The following KRT15 variants were observed in gnomAD, a reference collection of about 807,000 sequenced individuals.
The protein encoded by KRT15 is keratin 15.
In KRT15, 45 loss-of-function variants were observed where a neutral mutation model predicts 46.6. The observed-to-expected ratio is 0.97, with a 90% CI of 0.76 to 1.24. The LOEUF (loss-of-function observed/expected upper bound fraction) is 1.24. Among genes scored for constraint, KRT15 ranks in the 50% most tolerant of loss-of-function variants. KRT15 has a pLI of 0.00. For synonymous variants in KRT15, 221 were observed against 233.8 expected, an observed-to-expected ratio of 0.95 and a Z score of 0.50; for missense variants, 592 against 588.9, an observed-to-expected ratio of 1.01 and a Z score of -0.05.
At position 41,516,733 on chromosome 17, in the gene KRT15, G is replaced by A. The variant is rs958532100; in HGVS notation, c.738+75C>T. On this transcript the variant is annotated intron_variant, in intron 3 of 7. Transcript: ENST00000254043. ...TCCTGGAGCCACTGTCTTTCCCTCT[G>A]GGCAATTTAAGTGAGTTTTGGGAAG... The A allele has an allele frequency of 3.2e-6, 5 of 1,556,794 alleles. No individual in the cohort carries two copies. The African/African-American group carries it at 5.4e-5, about 17-fold the overall frequency.
chr17:41,516,525 G>A lies in KRT15; in HGVS notation c.739-260C>T, dbSNP rs567634476. ...CAATCAGGAAGTCAACCATTCATAC[G>A]GGCCACCTGGGCTGGCTGTGGGCCT... On this transcript the variant is annotated intron_variant, in intron 3 of 7. Transcript: ENST00000254043. Among the ~76,000 whole-genome samples, 11 of 152,138 alleles carry A rather than the reference G, an allele frequency of 7.2e-5. No individual in the cohort carries two copies. The East Asian group carries it at 1.9e-3, about 27-fold the overall frequency.
intron 1 of KRT15, 32 bp from the exon 2 acceptor site, chr17:41,517,197 T>C (rs1905426479): frequency 1.9e-6 from 3 of 1,568,290 alleles, no homozygotes; most frequent in South Asian, 2.2e-5. Flanking sequence ...TCTAGAGGAC[T>C]CCTCTCTCTC....
In KRT15 at chr17:41,516,173, C is replaced by A; in HGVS notation, c.831G>T (p.Glu277Asp). ...CCATGGCCTCGTACTGCTCCCTCAT[C>A]TCTGCCAGCACACGGGTCAGGTCCA... Reference protein sequence around the residue: ...PGVDLTRVLAEMREQYEAMAE... With the variant: ...PGVDLTRVLADMREQYEAMAE... Residue 277 changes from glutamate (E) to aspartate (D), a missense_variant, in exon 4 of 8, where the codon GAG becomes GAT. Physicochemically the swap from Glu to Asp is conservative, Grantham distance 45 (BLOSUM62 2). Transcript: ENST00000254043. 1 of 1,614,234 alleles carries A rather than the reference C, an allele frequency of 6.2e-7. No homozygotes were observed. The highest frequency in any genetic ancestry group is 8.5e-7 in the Non-Finnish European group (1 of 1,180,042).
intron 6 of KRT15, 119 bp downstream of exon 6, chr17:41,515,353 G>T (rs1905299166): frequency 1.2e-6 from 1 of 820,956 alleles, no homozygotes; most frequent in East Asian, 2.6e-5. Context: ...TCCTTGCTCA[G>T]TTCTCTTTTC....
chr17:41,514,597 G>T lies in KRT15; in HGVS notation c.1273+52C>A, dbSNP rs1905268957. The T allele has an allele frequency of 1.9e-6, 3 of 1,548,308 alleles. No individual in the cohort carries two copies. The South Asian group carries it at 3.4e-5, about 17-fold the overall frequency. ...CCTCCCTATTCCGAAGGGGGTGGTG[G>T]CTTCAACATCTCCCCTCCCCACCCC... is the stretch of plus-strand genomic sequence containing the variant. On this transcript the variant is annotated intron_variant, in intron 7 of 7. Transcript: ENST00000254043.
chr17:41,514,796 G>C, intron 6 of KRT15, 122 bp from the exon 7 acceptor site: 1 of 875,530 alleles, frequency 1.1e-6, no homozygotes, highest in Non-Finnish European at 1.8e-6. Flanking sequence ...CCACACATCT[G>C]ACTCCTCTAG....
chr17:41,515,547 A>T lies in KRT15; in HGVS notation c.1172T>A (p.Met391Lys), dbSNP rs1387706512. 6.2e-7 allele frequency: 1 copy of T among 1,613,934 alleles called. No homozygotes were observed. Among genetic ancestry groups the T allele is most frequent in the Non-Finnish European group, 8.5e-7 (1 of 1,180,036 alleles). Residue 391 changes from methionine to lysine, a missense_variant, in exon 6 of 8, where the codon ATG becomes AAG. Met to Lys is a moderately conservative substitution (Grantham distance 95). Transcript: ENST00000254043. Reference sequence around the variant, plus strand: ...CAGCCGTGTCTTTATGTCAAGCAGCATCTTGTACTCCTGGTTCTGAGCCTC... The same window carrying T: ...CAGCCGTGTCTTTATGTCAAGCAGCTTCTTGTACTCCTGGTTCTGAGCCTC... ...EMEAQNQEYKMLLDIKTRLEQ... is the reference protein window; with the variant it reads ...EMEAQNQEYKKLLDIKTRLEQ...
intron 7 of KRT15, 192 bp from the exon 8 acceptor site, chr17:41,514,312 T>C (rs1905258835): frequency 1.6e-6 from 1 of 608,146 alleles, no homozygotes; most frequent in Non-Finnish European, 2.9e-6. Flanking sequence ...ATGGCAGGTA[T>C]GCCCGGCAGG....
chr17:41,513,904 C>T lies in KRT15; in HGVS notation c.*119G>A, dbSNP rs377177206. 1.3e-6 allele frequency: 1 copy of T among 780,318 alleles called. No homozygotes were observed. The highest frequency in any genetic ancestry group is 1.5e-5 in the South Asian group (1 of 68,712). The allele number at this position is 780,318 out of a possible 1,614,324, so 48.3% of individuals were successfully genotyped here. ...GCCCTGAAATAAAAGACCGAGGGAC[C>T]CTTTTCAGCTCTCTGAAGGCAGGGA... On this transcript the variant is annotated 3_prime_UTR_variant, in exon 8 of 8. Coordinates refer to ENST00000254043, the MANE Select transcript of KRT15 (RefSeq NM_002275.4).
chr17:41,516,043 G>T (rs778079498), intron 4 of KRT15, 33 bp from the exon 5 acceptor site: 1 of 1,614,156 alleles, frequency 6.2e-7, no homozygotes, highest in Non-Finnish European at 8.5e-7. Flanking sequence ...GTGAGCCCCG[G>T]GGCCTCCTCG....
In KRT15 at chr17:41,518,431, G is replaced by T; in HGVS notation, c.397C>A (p.Leu133Met). The T allele has an allele frequency of 1.2e-6, 2 of 1,614,050 alleles. No homozygotes were observed. Among genetic ancestry groups the T allele is most frequent in the South Asian group, 2.2e-5 (2 of 91,078 alleles). ...TACCAGTCATGGATCTTCACCTCCA[G>T]GTCAGCATTGGCCTCCTCCAGGGCA... ...VRALEEANAD[L>M]EVKIHDWYQK... Residue 133 changes from leucine to methionine, a missense_variant, in exon 1 of 8, where the codon CTG (leucine) becomes ATG (methionine). Coordinates refer to ENST00000254043, the MANE Select transcript of KRT15 (RefSeq NM_002275.4).
intron 6 of KRT15, chr17:41,514,977 G>A: frequency 3.1e-6 from 1 of 321,060 alleles, no homozygotes; most frequent in Non-Finnish European, 5.8e-6. Context: ...AGTGATTCTT[G>A]TGCCTCAGCC....
rs201652652 is a variant in KRT15, at chr17:41,518,756, C to G, written c.72G>C (p.Leu24=). Residue 24 remains leucine (L), a synonymous_variant, in exon 1 of 8, where the codon CTG becomes CTC. Transcript: ENST00000254043. ...CCCCACCAAAGCCACCTCCCCCAGC[C>G]AGGAGGGAACCCCCTCGGGTTGAGC... ...GGGSTRGGSL[L]AGGGGFGGGS... is the part of the protein sequence containing the mutation. 31 of 1,595,546 alleles carry G rather than the reference C, an allele frequency of 1.9e-5. No individual in the cohort carries two copies. The highest frequency in any genetic ancestry group is 2.6e-5 in the Non-Finnish European group (31 of 1,171,882).
At position 41,514,047 on chromosome 17, in the gene KRT15, A is replaced by G; in HGVS notation, c.1347T>C (p.Val449=). ...NVEESVDGQV[V]SSHKREI ...CTTAGATTTCTCTCTTGTGGGAAGA[A>G]ACCACCTGTCCATCCACTGACTCTT... is the stretch of plus-strand genomic sequence containing the variant. Residue 449 remains valine (V), a synonymous_variant, in exon 8 of 8, where the codon GTT becomes GTC. Coordinates refer to ENST00000254043, the MANE Select transcript of KRT15 (RefSeq NM_002275.4). 6.2e-7 allele frequency: 1 copy of G among 1,613,896 alleles called. No homozygotes were observed. The highest frequency in any genetic ancestry group is 8.5e-7 in the Non-Finnish European group (1 of 1,179,728).
Position 41,515,693 on chromosome 17 carries a change from C to G in KRT15, c.1027-1G>C, listed in dbSNP as rs768993181. 18 of 1,613,448 alleles carry G rather than the reference C, an allele frequency of 1.1e-5. No individual in the cohort carries two copies. Among genetic ancestry groups the G allele is most frequent in the Middle Eastern group, 1.6e-4 (1 of 6,062 alleles). Reference sequence around the variant, plus strand: ...CCAGTGAGTTCTCCAGCCCAGCTTTCTGGGGGAGTGACAGATGCATAGACA... The same window carrying G: ...CCAGTGAGTTCTCCAGCCCAGCTTTGTGGGGGAGTGACAGATGCATAGACA... On this transcript the variant is annotated splice_acceptor_variant, in intron 5 of 7. Coordinates refer to ENST00000254043, the MANE Select transcript of KRT15 (RefSeq NM_002275.4). LOFTEE classifies it high-confidence loss of function.
Position 41,513,846 on chromosome 17 carries a change from G to A in KRT15, c.*177C>T, listed in dbSNP as rs2662. ...CATCTCCTTGCTCCAAAGAAGGTGG[G>A]GAGAGGCAGAGGGGGAATAGAGCGC... On this transcript the variant is annotated 3_prime_UTR_variant, in exon 8 of 8. Coordinates refer to ENST00000254043, the MANE Select transcript of KRT15 (RefSeq NM_002275.4). 13 of 607,002 alleles carry A rather than the reference G, an allele frequency of 2.1e-5. No homozygotes were observed. The South Asian group carries it at 2.4e-4, about 11-fold the overall frequency. The allele number at this position is 607,002 out of a possible 1,614,324, so 37.6% of individuals were successfully genotyped here. A position where few individuals can be genotyped will look rare whatever the true frequency, so the allele number is the denominator to read the frequency against.
chr17:41,515,783 ACCAC>A, intron 5 of KRT15, 91 bp from the exon 6 acceptor site: 1 of 1,600,100 alleles, frequency 6.2e-7, no homozygotes, highest in Non-Finnish European at 8.5e-7. Context: ...AGTTCAGGGA[ACCAC>A]CTCTTGAGGG....
intron 7 of KRT15, chr17:41,514,395 T>G: frequency 1.7e-6 from 1 of 597,550 alleles, no homozygotes; most frequent in East Asian, 2.8e-5. Context: ...CGGAAGTGTA[T>G]GAAGATGGGG....
intron 2 of KRT15, 51 bp downstream of exon 2, chr17:41,517,032 G>T: frequency 6.2e-7 from 1 of 1,614,046 alleles, no homozygotes; most frequent in Non-Finnish European, 8.5e-7. Flanking sequence ...GCCAGGAGAA[G>T]GCCAAGTAAA....
Sources: allele counts gnomAD v4.1 joint callset (sites outside exome capture counted in the v4.1 genomes callset), GRCh38; gene constraint gnomAD v4.1.1; transcripts MANE v1.5; gene names NCBI Gene and HGNC (gene_info 2026-07-23, HGNC 2026-07-21).